Variants in SZT2 observed in about 807,000 individuals in gnomAD.
SZT2 encodes SZT2 subunit of KICSTOR complex, also known as KICSTOR complex protein SZT2.
A neutral mutation model predicts 404.2 loss-of-function variants in SZT2; 216 were observed. The ratio of observed to expected loss-of-function variants is 0.53; its 90% CI spans 0.48 to 0.60. The LOEUF (loss-of-function observed/expected upper bound fraction) is 0.60, where lower values mean the gene tolerates loss of function less well. Ranked by LOEUF, SZT2 falls within the 20% of genes least tolerant of loss-of-function variation. The pLI, the probability that SZT2 is intolerant of heterozygous loss-of-function variation, is 0.00. For missense variants in SZT2, 3,857 were observed against 4,459.2 expected, an observed-to-expected ratio of 0.86 and a Z score of 3.85; for synonymous variants, 1,693 against 1,749.9, an observed-to-expected ratio of 0.97 and a Z score of 0.81.
chr1:43,420,789 A>G lies in SZT2; in HGVS notation c.1302A>G (p.Lys434=), dbSNP rs1420992888. The G allele has an allele frequency of 6.2e-5, 99 of 1,598,226 alleles. No homozygotes were observed. The highest frequency in any genetic ancestry group is 8.0e-5 in the Non-Finnish European group (94 of 1,179,790). The change falls in exon 10 of 72, where the codon AAA becomes AAG. Residue 434 remains lysine (K), a synonymous_variant. Coordinates refer to ENST00000634258, the MANE Select transcript of SZT2 (RefSeq NM_001365999.1). The surrounding 1 kb of genome is among the most constrained non-coding windows in gnomAD (Gnocchi z 5.1). The part of the protein sequence containing the change: ...QLEVKLVLLW[K]HNMRIEYVAM... ...AGGTAAAGCTGGTGCTGCTGTGGAA[A>G]CACAACATGCGCATTGAGTATGTGG...
chr1:43,437,359 G>A lies in SZT2; in HGVS notation c.6187+36G>A. ...GGCATGAGAGGGCAGGTGAGCATTGGAAGGATCTGGAAAAGGCAGTTTCCT... is the reference window on the plus strand; with the variant it reads ...GGCATGAGAGGGCAGGTGAGCATTGAAAGGATCTGGAAAAGGCAGTTTCCT... On this transcript the variant is annotated intron_variant, in intron 43 of 71. Coordinates refer to ENST00000634258, the MANE Select transcript of SZT2 (RefSeq NM_001365999.1). This position sits in a 1 kb window ranked among gnomAD's most constrained non-coding sequence, Gnocchi z 5.3. 2 of 1,614,128 alleles carry A rather than the reference G, an allele frequency of 1.2e-6. No individual in the cohort carries two copies. Among genetic ancestry groups the A allele is most frequent in the Non-Finnish European group, 1.7e-6 (2 of 1,179,992 alleles).
intron 6 of SZT2, 126 bp from the exon 7 acceptor site, chr1:43,416,409 A>C: frequency 2.6e-6 from 2 of 754,828 alleles, no homozygotes; most frequent in South Asian, 3.5e-5. Flanking sequence ...AAAACTTCAC[A>C]GTTTATGAAA....
intron 46 of SZT2, chr1:43,438,137 G>T (rs938448207): frequency 1.8e-5 from 9 of 495,506 alleles, no homozygotes; most frequent in Non-Finnish European, 2.9e-5. Context: ...TGCTGTGCTC[G>T]GGTCTTTCCT....
chr1:43,450,192 TTG>T lies in SZT2; in HGVS notation c.10155+25_10155+26del, dbSNP rs1434448140. The T allele has an allele frequency of 6.2e-6, 10 of 1,614,088 alleles. No homozygotes were observed. The highest frequency in any genetic ancestry group is 8.5e-6 in the Non-Finnish European group (10 of 1,179,966). ...AGACGGTAAGAACGAGTGGGGGGCTTTGTGTCAGCCTCATGGGAGGCCGTACC... is the reference window on the plus strand; with the variant it reads ...AGACGGTAAGAACGAGTGGGGGGCTTTGTCAGCCTCATGGGAGGCCGTACC... On this transcript the variant is annotated intron_variant, in intron 71 of 71. Coordinates refer to ENST00000634258, the MANE Select transcript of SZT2 (RefSeq NM_001365999.1). The surrounding 1 kb of genome is among the most constrained non-coding windows in gnomAD (Gnocchi z 4.3).
chr1:43,391,155 A>G (rs1648263636), intron 1 of SZT2, among the ~76,000 whole-genome samples: 1 of 152,184 alleles, frequency 6.6e-6, no homozygotes. Flanking sequence ...TCTGTACTGA[A>G]AATGCAAAAT....
At chr1:43,435,177 T>C in intron 41 of SZT2, 23 bp from the exon 42 acceptor site, 1 of 1,613,042 alleles carries the variant, frequency 6.2e-7, no homozygotes, top group Non-Finnish European at 8.5e-7. Context: ...TTCAGTTCCC[T>C]GACCTCATGC....
chr1:43,450,938 G>C lies in SZT2; in HGVS notation c.*458G>C. 1 of 757,382 alleles carries C rather than the reference G, an allele frequency of 1.3e-6. No individual in the cohort carries two copies. Among genetic ancestry groups the C allele is most frequent in the Non-Finnish European group, 2.4e-6 (1 of 413,424 alleles). 46.9% of individuals were successfully genotyped at this position (757,382 alleles called of 1,614,324 possible). A position where few individuals can be genotyped will look rare whatever the true frequency, so the allele number is the denominator to read the frequency against. The stretch of plus-strand genomic sequence containing the variant: ...ACATTCCCATCGAGATGACACCTGG[G>C]TTCCAATCCCAGCTCTGCCTTTGAA... On this transcript the variant is annotated 3_prime_UTR_variant, in exon 72 of 72. Coordinates refer to ENST00000634258, the MANE Select transcript of SZT2 (RefSeq NM_001365999.1). The surrounding 1 kb of genome is among the most constrained non-coding windows in gnomAD (Gnocchi z 4.3).
chr1:43,453,471 G>A lies in SZT2; in HGVS notation c.*2991G>A. 1.3e-6 allele frequency: 2 copies of A among 1,561,264 alleles called. No homozygotes were observed. Among genetic ancestry groups the A allele is most frequent in the Non-Finnish European group, 1.7e-6 (2 of 1,151,764 alleles). On this transcript the variant is annotated 3_prime_UTR_variant, in exon 72 of 72. Transcript: ENST00000634258. ...GCCTGTCTCCCGGGGACGGCCCCCA[G>A]CCCCATTTCCCCCTTCTCTTGGTCT... is the stretch of plus-strand genomic sequence containing the variant.
intron 7 of SZT2, 94 bp from the exon 8 acceptor site, chr1:43,419,639 TG>T: frequency 1.0e-6 from 1 of 1,002,870 alleles, no homozygotes; most frequent in Non-Finnish European, 1.5e-6. Context: ...GTCCAGGGAA[TG>T]GGAGCAGCCA....
Position 43,420,329 on chromosome 1 carries a change from G to C in SZT2, c.1261+6G>C. 3 of 1,578,500 alleles carry C rather than the reference G, an allele frequency of 1.9e-6. No individual in the cohort carries two copies. Among genetic ancestry groups the C allele is most frequent in the South Asian group, 1.1e-5 (1 of 88,850 alleles). On this transcript the variant is annotated splice_donor_region_variant and intron_variant, in intron 9 of 71. Coordinates refer to ENST00000634258, the MANE Select transcript of SZT2 (RefSeq NM_001365999.1). This position sits in a 1 kb window ranked among gnomAD's most constrained non-coding sequence, Gnocchi z 5.1. ...AGAGGTCACACTGGCCAAAGGTAAG[G>C]GTCATTAGGCCCTGCTGTAATCCCA...
In SZT2 at chr1:43,430,105, T is replaced by C; in HGVS notation, c.4401+2T>C. On this transcript the variant is annotated splice_donor_variant, in intron 30 of 71. Transcript: ENST00000634258. LOFTEE classifies it high-confidence loss of function. ...TGCCCTCCATCCAGCAGGCGAGAAG[T>C]GAGTGGCTCTCTTCCTTACCTCTCT... The C allele has an allele frequency of 6.2e-7, 1 of 1,613,994 alleles. No individual in the cohort carries two copies. Among genetic ancestry groups the C allele is most frequent in the Non-Finnish European group, 8.5e-7 (1 of 1,179,926 alleles).
intron 1 of SZT2, among the ~76,000 whole-genome samples, chr1:43,400,944 C>T (rs1410952575): frequency 1.3e-5 from 2 of 150,992 alleles, no homozygotes; most frequent in Admixed American, 6.6e-5. Flanking sequence ...TTTTTTTGGA[C>T]AGGGTCTCGC....
chr1:43,436,933 C>G (rs1376594798), intron 42 of SZT2: 1 of 559,456 alleles, frequency 1.8e-6, no homozygotes, highest in African/African-American at 1.9e-5. Flanking sequence ...CTCTCATTAG[C>G]TCCTTCTCTA....
intron 65 of SZT2, 80 bp downstream of exon 65, chr1:43,446,496 C>T (rs1655690553): frequency 6.4e-7 from 1 of 1,560,162 alleles, no homozygotes; most frequent in Admixed American, 1.7e-5. Context: ...ATTTGCTGGG[C>T]AGTAGAGTAA....
At chr1:43,446,119 C>A in intron 63 of SZT2, 60 bp from the exon 64 acceptor site, 1 of 1,602,410 alleles carries the variant, frequency 6.2e-7, no homozygotes, top group Non-Finnish European at 8.6e-7. Context: ...AAGGGACTTC[C>A]ACCCTACTGA....
At chr1:43,431,991 C>A in intron 36 of SZT2, 90 bp downstream of exon 36, 2 of 1,476,700 alleles carry the variant, frequency 1.4e-6, no homozygotes, top group Admixed American at 1.8e-5. Flanking sequence ...TCTGTTAGTT[C>A]GAACTCATAG....
chr1:43,446,189 C>T lies in SZT2; in HGVS notation c.8927C>T (p.Ser2976Phe), dbSNP rs904301834. The T allele has an allele frequency of 6.2e-7, 1 of 1,614,204 alleles. No homozygotes were observed. The highest frequency in any genetic ancestry group is 1.7e-5 in the Admixed American group (1 of 60,030). Residue 2976 changes from serine (S) to phenylalanine (F), a missense_variant, in exon 64 of 72, where the codon TCT (serine) becomes TTT (phenylalanine). Ser to Phe is a radical substitution (Grantham distance 155). This residue lies in a region of SZT2 where 717 missense variants were observed against 868.2 expected (regional missense o/e 0.83). Coordinates refer to ENST00000634258, the MANE Select transcript of SZT2 (RefSeq NM_001365999.1). Reference sequence around the variant, plus strand: ...TTTTTGTTTCTTCAGAGCACTAGCTCTCCGGTAACCACCTACCACCTGCAG... The same window carrying T: ...TTTTTGTTTCTTCAGAGCACTAGCTTTCCGGTAACCACCTACCACCTGCAG... The part of the protein sequence containing the change: ...KTDGSPKSTS[S>F]PVTTYHLQRA...
chr1:43,419,874 C>G lies in SZT2; in HGVS notation c.1020C>G (p.Val340=). ...EPEPGNLGLT[V]YHRAFLLYSF... The stretch of plus-strand genomic sequence containing the variant: ...AGCCAGGCAACCTGGGTCTGACTGT[C>G]TACCACCGGGCATTTCTCCTCTATT... Residue 340 remains valine (V), a synonymous_variant, in exon 8 of 72, where the codon GTC becomes GTG. Coordinates refer to ENST00000634258, the MANE Select transcript of SZT2 (RefSeq NM_001365999.1). 2 of 1,598,496 alleles carry G rather than the reference C, an allele frequency of 1.3e-6. No homozygotes were observed.
chr1:43,452,882 C>G lies in SZT2; in HGVS notation c.*2402C>G. ...CTCCAAGCAGACATTCCAGGCCTCC[C>G]CATCCCAACAGGCTACATACATGTC... On this transcript the variant is annotated 3_prime_UTR_variant, in exon 72 of 72. Transcript: ENST00000634258. 1 of 1,583,570 alleles carries G rather than the reference C, an allele frequency of 6.3e-7. No homozygotes were observed. Among genetic ancestry groups the G allele is most frequent in the Non-Finnish European group, 8.6e-7 (1 of 1,165,812 alleles).
Sources: allele counts gnomAD v4.1 joint callset (sites outside exome capture counted in the v4.1 genomes callset), GRCh38; gene constraint gnomAD v4.1.1; regional missense constraint gnomAD v4.1.1; non-coding constraint Gnocchi (gnomAD v3.1); transcripts MANE v1.5; gene names NCBI Gene and HGNC (gene_info 2026-07-23, HGNC 2026-07-21).